The following PPP1R12B variants were observed in gnomAD, a reference collection of about 807,000 sequenced individuals.
PPP1R12B encodes myosin phosphatase target subunit 2.
PPP1R12B carries 76 observed loss-of-function variants against 126.1 expected under a neutral mutation model. The observed-to-expected ratio is 0.60, with a 90% CI of 0.50 to 0.73. PPP1R12B has a LOEUF of 0.73. Among genes scored for constraint, PPP1R12B ranks in the 30% least tolerant of loss-of-function variants. PPP1R12B has a pLI of 0.00. For synonymous variants in PPP1R12B, 356 were observed against 434.7 expected, an observed-to-expected ratio of 0.82 and a Z score of 2.25; for missense variants, 1,052 against 1,205.1, an observed-to-expected ratio of 0.87 and a Z score of 1.88.
rs1189260649 is a variant in PPP1R12B, at chr1:202,376,744, A to G, written c.291+27602A>G. On this transcript the variant is annotated intron_variant, in intron 1 of 23. Coordinates refer to ENST00000608999, the MANE Select transcript of PPP1R12B (RefSeq NM_002481.4). ...GGGAAGGATTATTAAAGTTTTTTCAATATAATATAAATATTAAATAATAGG... is the reference window on the plus strand; with the variant it reads ...GGGAAGGATTATTAAAGTTTTTTCAGTATAATATAAATATTAAATAATAGG... Among the ~76,000 whole-genome samples, 4 of 152,144 alleles carry G rather than the reference A, an allele frequency of 2.6e-5. No homozygotes were observed. In the South Asian group the frequency reaches 8.3e-4, roughly 31 times the overall value.
rs139358342 is a variant in PPP1R12B, at chr1:202,581,534, C to T, written c.*974C>T. 5.3e-5 allele frequency: 8 copies of T among 152,184 alleles called. No homozygotes were observed. The East Asian group carries it at 1.5e-3, about 29-fold the overall frequency. 9.4% of individuals were successfully genotyped at this position (152,184 alleles called of 1,614,324 possible). On this transcript the variant is annotated 3_prime_UTR_variant, in exon 24 of 24. Transcript: ENST00000608999. ...GGGCTCTGAATACTCCATTCTGCCT[C>T]ACTTCCTTGACCTTGTTTTCCTCTC...
At chr1:202,434,372 A>G (rs756958684) in intron 8 of PPP1R12B, among the ~76,000 whole-genome samples, 2 of 152,200 alleles carry the variant, frequency 1.3e-5, no homozygotes, top group Non-Finnish European at 1.5e-5. Flanking sequence ...CAAAGGACAG[A>G]TTATAGATGG....
intron 18 of PPP1R12B, among the ~76,000 whole-genome samples, chr1:202,545,241 T>TAGC (rs1427938166): frequency 6.6e-6 from 1 of 152,220 alleles, no homozygotes; most frequent in African/African-American, 2.4e-5. Context: ...GGAAAATCAA[T>TAGC]AGCAGTAATT....
intron 1 of PPP1R12B, among the ~76,000 whole-genome samples, chr1:202,405,016 T>C (rs764381285): frequency 6.6e-6 from 1 of 152,264 alleles, no homozygotes; most frequent in African/African-American, 2.4e-5. Context: ...ATGTCTGGTA[T>C]AGTACAGGCC....
At position 202,488,724 on chromosome 1, in the gene PPP1R12B, AACACAC is replaced by A. The variant is rs141532496; in HGVS notation, c.1941+114_1941+119del. 54 of 952,562 alleles carry A rather than the reference AACACAC, an allele frequency of 5.7e-5. No individual in the cohort carries two copies. In the African/African-American group the frequency reaches 8.1e-4, roughly 14 times the overall value. 59.0% of individuals were successfully genotyped at this position (952,562 alleles called of 1,614,324 possible). ...ATATCCATGTTCAACTGCTGATTTA[AACACAC>A]ACACACACACACGCTCACGGCTTGG... On this transcript the variant is annotated intron_variant, in intron 14 of 23. Transcript: ENST00000608999.
intron 18 of PPP1R12B, among the ~76,000 whole-genome samples, chr1:202,521,222 G>T (rs1034810684): frequency 6.6e-6 from 1 of 152,146 alleles, no homozygotes; most frequent in African/African-American, 2.4e-5. Flanking sequence ...CTGGTTCAAG[G>T]TTGGCACATT....
intron 1 of PPP1R12B, among the ~76,000 whole-genome samples, chr1:202,374,493 CTTTTTTT>C (rs1160730172): frequency 3.4e-5 from 3 of 89,502 alleles, no homozygotes; most frequent in African/African-American, 8.7e-5. Flanking sequence ...TTGTCTCTCT[CTTTTTTT>C]TTTTTTTTTT....
In PPP1R12B at chr1:202,452,154, C is replaced by T. The variant is rs533603644; in HGVS notation, c.1850+2983C>T. On this transcript the variant is annotated intron_variant, in intron 13 of 23. Transcript: ENST00000608999. ...CTCACTTTCCAGACGGGGTGGCGGC[C>T]GGGCAGAGGCTGCAATCTCGGCACT... Among the ~76,000 whole-genome samples, 283 of 152,070 alleles carry T rather than the reference C, an allele frequency of 1.9e-3. 2 individuals are homozygous for T. The highest frequency in any genetic ancestry group is 6.6e-3 in the African/African-American group (275 of 41,464).
At chr1:202,440,620 T>C (rs1401570007) in intron 10 of PPP1R12B, 86 bp from the exon 11 acceptor site, 3 of 921,856 alleles carry the variant, frequency 3.3e-6, no homozygotes, top group Non-Finnish European at 1.7e-6. Flanking sequence ...GATATAGGTA[T>C]ATTAAGTTCT....
chr1:202,527,959 G>A (rs1409333532), intron 18 of PPP1R12B, among the ~76,000 whole-genome samples: 1 of 152,224 alleles, frequency 6.6e-6, no homozygotes, highest in African/African-American at 2.4e-5. Context: ...ATTATACCTA[G>A]GTGGTACAGG....
intron 23 of PPP1R12B, among the ~76,000 whole-genome samples, chr1:202,572,343 G>C (rs749131545): frequency 2.6e-5 from 4 of 152,188 alleles, no homozygotes; most frequent in Non-Finnish European, 5.9e-5. Context: ...AAATATAGTA[G>C]GTTACTCAAG....
chr1:202,417,154 A>G, intron 2 of PPP1R12B: 1 of 852,064 alleles, frequency 1.2e-6, no homozygotes, highest in African/African-American at 1.8e-5. Flanking sequence ...CAGGTAATTT[A>G]TATTTGCTGG....
intron 18 of PPP1R12B, among the ~76,000 whole-genome samples, chr1:202,544,931 C>T (rs1482606001): frequency 6.6e-6 from 1 of 152,252 alleles, no homozygotes; most frequent in African/African-American, 2.4e-5. Flanking sequence ...CAGAGGCATT[C>T]TGCCTCTTTG....
At chr1:202,523,291 T>C (rs1025664073) in intron 18 of PPP1R12B, among the ~76,000 whole-genome samples, 4 of 152,240 alleles carry the variant, frequency 2.6e-5, no homozygotes, top group East Asian at 1.9e-4. Flanking sequence ...ATAAAGTATG[T>C]GTTAGACACT....
At chr1:202,373,344 G>C (rs927113561) in intron 1 of PPP1R12B, among the ~76,000 whole-genome samples, 21 of 152,266 alleles carry the variant, frequency 1.4e-4, no homozygotes, top group African/African-American at 4.8e-4. Context: ...AAAAATTTGA[G>C]AATTTTGTTG....
At chr1:202,385,831 A>G (rs1663025999) in intron 1 of PPP1R12B, among the ~76,000 whole-genome samples, 1 of 152,114 alleles carries the variant, frequency 6.6e-6, no homozygotes, top group Non-Finnish European at 1.5e-5. Flanking sequence ...TTTTTTAGTA[A>G]GGATTTTATT....
At chr1:202,575,464 T>C (rs1689010186) in intron 23 of PPP1R12B, 1 of 255,726 alleles carries the variant, frequency 3.9e-6, no homozygotes, top group Admixed American at 4.7e-5. Context: ...TACACGTGTA[T>C]GTGCATATAC....
chr1:202,371,763 A>G (rs1660304872), intron 1 of PPP1R12B, among the ~76,000 whole-genome samples: 1 of 151,852 alleles, frequency 6.6e-6, no homozygotes, highest in African/African-American at 2.4e-5. Context: ...GCTTTCCTGA[A>G]TGTTAACATT....
intron 2 of PPP1R12B, among the ~76,000 whole-genome samples, chr1:202,420,663 G>A (rs982485600): frequency 6.6e-6 from 1 of 152,168 alleles, no homozygotes; most frequent in African/African-American, 2.4e-5. Context: ...GAAGAGAGGA[G>A]CTGTTGAATA....
Sources: gnomAD v4.1 joint callset for allele counts (sites outside exome capture counted in the v4.1 genomes callset) on GRCh38, gnomAD v4.1.1 for gene constraint, MANE v1.5 for transcripts, NCBI Gene and HGNC (gene_info 2026-07-23, HGNC 2026-07-21) for gene names.